Variants in MDM1 observed in about 807,000 individuals in gnomAD.
MDM1 encodes the protein Mdm1 nuclear protein.
Under a neutral mutation model 89.1 loss-of-function variants are expected in MDM1, and 61 were observed. The observed-to-expected ratio is 0.68, with a 90% CI of 0.56 to 0.85. The LOEUF is 0.85. Among genes scored for constraint, MDM1 ranks in the 40% least tolerant of loss-of-function variants. MDM1 has a pLI of 0.00. For missense variants in MDM1, 820 were observed against 846.5 expected (o/e 0.97, Z 0.39); for synonymous variants, 290 against 294.1 (o/e 0.99, Z 0.14).
chr12:68,308,393 T>C (rs1873217857), intron 12 of MDM1, among the ~76,000 whole-genome samples: 1 of 152,194 alleles, frequency 6.6e-6, no homozygotes, highest in Non-Finnish European at 1.5e-5. Context: ...CCCAAACTGC[T>C]GGAATTACAG....
chr12:68,314,286 A>C (rs1363711601), intron 10 of MDM1, among the ~76,000 whole-genome samples: 1 of 152,190 alleles, frequency 6.6e-6, no homozygotes, highest in South Asian at 2.1e-4. Context: ...CACTGAAAAA[A>C]TAATATAAGC....
intron 7 of MDM1, among the ~76,000 whole-genome samples, chr12:68,320,533 C>T (rs1202763930): frequency 4.6e-5 from 7 of 152,172 alleles, no homozygotes; most frequent in Non-Finnish European, 1.5e-5. Context: ...CGAGCACCAG[C>T]CCCTTCCCCC....
intron 9 of MDM1, 126 bp downstream of exon 9, chr12:68,315,952 A>C (rs1011964001): frequency 7.2e-6 from 5 of 697,330 alleles, no homozygotes; most frequent in Non-Finnish European, 1.1e-5. Context: ...AAATGAAATA[A>C]ATGGCTGCCA....
At chr12:68,313,820 T>G in intron 10 of MDM1, 67 bp from the exon 11 acceptor site, 1 of 1,334,242 alleles carries the variant, frequency 7.5e-7, no homozygotes, top group South Asian at 1.2e-5. Flanking sequence ...AAAAATACTT[T>G]GCCATCATTG....
intron 2 of MDM1, chr12:68,330,848 C>G (rs868771702): frequency 2.3e-6 from 1 of 429,030 alleles, no homozygotes; most frequent in East Asian, 3.8e-5. Context: ...ACCGCTCAGT[C>G]AGTACCGAAA....
At chr12:68,325,252 G>A in intron 4 of MDM1, 189 bp downstream of exon 4, 1 of 1,217,968 alleles carries the variant, frequency 8.2e-7, no homozygotes, top group Non-Finnish European at 1.0e-6. Flanking sequence ...AGAAGCCTAG[G>A]ACAGTATAAT....
chr12:68,326,331 G>A, intron 3 of MDM1: 1 of 1,380,912 alleles, frequency 7.2e-7, no homozygotes, highest in Non-Finnish European at 9.3e-7. Context: ...CCTGCCAGAA[G>A]TAAGGGCCTA....
intron 13 of MDM1, 77 bp from the exon 14 acceptor site, chr12:68,297,059 T>C (rs1871497484): frequency 6.2e-6 from 6 of 967,436 alleles, no homozygotes; most frequent in Non-Finnish European, 8.8e-6. Flanking sequence ...ACTAAACTGT[T>C]AGTAAAAGTA....
intron 2 of MDM1, among the ~76,000 whole-genome samples, chr12:68,328,090 C>A (rs997146276): frequency 6.6e-6 from 1 of 152,206 alleles, no homozygotes; most frequent in Non-Finnish European, 1.5e-5. Flanking sequence ...CAGCCTGAAA[C>A]TTACTCCAGT....
chr12:68,330,817 T>C (rs1376445787), intron 2 of MDM1: 2 of 326,184 alleles, frequency 6.1e-6, no homozygotes, highest in Non-Finnish European at 1.1e-5. Flanking sequence ...TGGCTTTTTT[T>C]AGCTTTCAAT....
intron 7 of MDM1, 62 bp downstream of exon 7, chr12:68,321,285 A>G: frequency 7.7e-7 from 1 of 1,307,060 alleles, no homozygotes; most frequent in Non-Finnish European, 1.1e-6. Context: ...ACTCGTTGTG[A>G]AATTAAAGTG....
intron 2 of MDM1, among the ~76,000 whole-genome samples, chr12:68,327,853 C>A (rs142267430): frequency 2.0e-5 from 3 of 152,178 alleles, no homozygotes; most frequent in Non-Finnish European, 4.4e-5. Context: ...GGTCTTCTCA[C>A]TGGGTGGATA....
Position 68,294,570 on chromosome 12 carries a change from C to A in MDM1, c.*684G>T, listed in dbSNP as rs1164046974. On this transcript the variant is annotated 3_prime_UTR_variant, in exon 15 of 15. Coordinates refer to ENST00000682720, the MANE Select transcript of MDM1 (RefSeq NM_001354969.2). ...TAACTTTCTGGAGAAGCCAAACGCA[C>A]TTGATCCATTTTTATTTCAAAATGT... 1 of 152,212 alleles carries A rather than the reference C, an allele frequency of 6.6e-6. No homozygotes were observed. The highest frequency in any genetic ancestry group is 1.5e-5 in the Non-Finnish European group (1 of 68,030). 9.4% of individuals were successfully genotyped at this position (152,212 alleles called of 1,614,324 possible).
chr12:68,319,032 G>C (rs1171749823), intron 7 of MDM1, among the ~76,000 whole-genome samples: 1 of 152,100 alleles, frequency 6.6e-6, no homozygotes, highest in Non-Finnish European at 1.5e-5. Context: ...AGTCCTATTT[G>C]TGGAAGACAC....
intron 1 of MDM1, chr12:68,331,966 C>T (rs1215607292): frequency 5.8e-6 from 4 of 692,966 alleles, no homozygotes; most frequent in Non-Finnish European, 1.1e-5. Flanking sequence ...CATCTCCACT[C>T]CTCTTGAGTC....
intron 4 of MDM1, among the ~76,000 whole-genome samples, chr12:68,323,895 G>C (rs979191299): frequency 1.3e-5 from 2 of 152,076 alleles, no homozygotes; most frequent in Non-Finnish European, 2.9e-5. Context: ...ATCTTTTTTA[G>C]TACAGTATAA....
At chr12:68,315,794 CT>C (rs1366138238) in intron 9 of MDM1, among the ~76,000 whole-genome samples, 6 of 152,090 alleles carry the variant, frequency 3.9e-5, no homozygotes, top group Admixed American at 3.9e-4. Flanking sequence ...TTCTAAAGGT[CT>C]TTTTACATCT....
intron 2 of MDM1, among the ~76,000 whole-genome samples, chr12:68,330,512 TGAA>T (rs1876636161): frequency 2.0e-5 from 3 of 152,228 alleles, no homozygotes; most frequent in Admixed American, 2.0e-4. Context: ...GTCTGAGTCC[TGAA>T]GACCTTCTTC....
rs753398015 is a variant in MDM1 at position 68,313,483 on chromosome 12, G to A, written c.1709C>T (p.Ser570Phe). The A allele has an allele frequency of 5.0e-5, 81 of 1,613,864 alleles. No individual in the cohort carries two copies. The highest frequency in any genetic ancestry group is 6.0e-5 in the Non-Finnish European group (71 of 1,179,920). Residue 570 changes from serine (S) to phenylalanine (F), a missense_variant, in exon 12 of 15, where the codon TCT (serine) becomes TTT (phenylalanine). Ser to Phe is a radical substitution (Grantham distance 155, BLOSUM62 -2). Transcript: ENST00000682720. ...CTTTGAAGTTTCTAAACAATCCTGA[G>A]AGGTCATTCTTTTCCTCTGTTCTGG... ...PAPEQRKRMT[S>F]QDCLETSKND... is the part of the protein sequence containing the mutation.
Sources: gnomAD v4.1 joint callset for allele counts (sites outside exome capture counted in the v4.1 genomes callset) on GRCh38, gnomAD v4.1.1 for gene constraint, MANE v1.5 for transcripts, NCBI Gene and HGNC (gene_info 2026-07-23, HGNC 2026-07-21) for gene names.